Variants in ADGRB3 observed in about 807,000 individuals in gnomAD.
ADGRB3 encodes the protein brain-specific angiogenesis inhibitor 3.
ADGRB3 carries 37 observed loss-of-function variants against 193.4 expected under a neutral mutation model. That is an observed-to-expected ratio of 0.19 (90% CI 0.15 to 0.25). The LOEUF (loss-of-function observed/expected upper bound fraction) is 0.25. Ranked by LOEUF, ADGRB3 falls within the 10% of genes least tolerant of loss-of-function variation. The pLI is 1.00. For synonymous variants in ADGRB3, 690 were observed against 644.2 expected, an observed-to-expected ratio of 1.07 and a Z score of -1.08; for missense variants, 1,637 against 1,852.9, an observed-to-expected ratio of 0.88 and a Z score of 2.14.
intron 3 of ADGRB3, among the ~76,000 whole-genome samples, chr6:68,659,556 A>C (rs187640486): frequency 7.3e-5 from 11 of 151,060 alleles, no homozygotes; most frequent in Admixed American, 7.3e-4. Flanking sequence ...TTTTTAATGT[A>C]ATTTGTAACT....
chr6:69,197,899 A>G (rs1044737319), intron 17 of ADGRB3, among the ~76,000 whole-genome samples: 7 of 152,022 alleles, frequency 4.6e-5, no homozygotes, highest in African/African-American at 1.4e-4. Flanking sequence ...ACTTAGTTCT[A>G]TTCTTTAATT....
intron 20 of ADGRB3, among the ~76,000 whole-genome samples, chr6:69,265,363 C>T (rs1294233235): frequency 1.3e-5 from 2 of 151,858 alleles, no homozygotes; most frequent in African/African-American, 2.4e-5. Flanking sequence ...ATAGCACCAT[C>T]CCACCCCTAG....
At chr6:69,132,443 A>G (rs1379941407) in intron 17 of ADGRB3, among the ~76,000 whole-genome samples, 1 of 152,136 alleles carries the variant, frequency 6.6e-6, no homozygotes, top group Non-Finnish European at 1.5e-5. Context: ...GTATCTGTTC[A>G]TATTTTTCAT....
chr6:68,842,614 C>G (rs2127387892), intron 3 of ADGRB3, among the ~76,000 whole-genome samples: 1 of 152,040 alleles, frequency 6.6e-6, no homozygotes, highest in East Asian at 1.9e-4. Context: ...ATTGATCCTA[C>G]TCAAACTAGT....
chr6:68,890,774 A>G (rs1162092847), intron 3 of ADGRB3, among the ~76,000 whole-genome samples: 3 of 152,188 alleles, frequency 2.0e-5, no homozygotes, highest in Non-Finnish European at 4.4e-5. Context: ...CTAGTATTGA[A>G]TCTCAAAGAT....
rs1166274920 is a variant in ADGRB3, at chr6:69,389,266, TTAC to T, written c.*379_*381del. On this transcript the variant is annotated 3_prime_UTR_variant, in exon 32 of 32. Coordinates refer to ENST00000370598, the MANE Select transcript of ADGRB3 (RefSeq NM_001704.3). ...AAGTTTATAACAGTCTGTTTGGCCA[TTAC>T]TACACTTTTTACTTTATAATATAAA... 2.6e-5 allele frequency: 4 copies of T among 156,246 alleles called. No homozygotes were observed. Among genetic ancestry groups the T allele is most frequent in the Non-Finnish European group, 1.4e-5 (1 of 70,412 alleles). 9.7% of individuals were successfully genotyped at this position (156,246 alleles called of 1,614,324 possible).
At chr6:68,887,070 T>TAC (rs72010174) in intron 3 of ADGRB3, among the ~76,000 whole-genome samples, 76 of 151,002 alleles carry the variant, frequency 5.0e-4, no homozygotes, top group Admixed American at 3.5e-3. Context: ...TATATATATA[T>TAC]ACACACACAC....
rs529982209 is a variant in ADGRB3 at position 68,769,777 on chromosome 6, A to T, written c.757+130345A>T. Among the ~76,000 whole-genome samples, 5 of 152,270 alleles carry T rather than the reference A, an allele frequency of 3.3e-5. No homozygotes were observed. The East Asian group carries it at 9.6e-4, about 29-fold the overall frequency. On this transcript the variant is annotated intron_variant, in intron 3 of 31. Coordinates refer to ENST00000370598, the MANE Select transcript of ADGRB3 (RefSeq NM_001704.3). The stretch of plus-strand genomic sequence containing the variant: ...ATCTTTTTTATTTCTTCCTAAACGA[A>T]GTTCTGAGAGAAAAATTGAAATTAT...
At chr6:68,805,169 TA>T (rs772710785) in intron 3 of ADGRB3, among the ~76,000 whole-genome samples, 6 of 152,114 alleles carry the variant, frequency 3.9e-5, no homozygotes, top group African/African-American at 7.2e-5. Flanking sequence ...ATTCCCGGCC[TA>T]AAGTGATCCG....
At chr6:68,684,628 A>T (rs565224302) in intron 3 of ADGRB3, among the ~76,000 whole-genome samples, 132 of 152,234 alleles carry the variant, frequency 8.7e-4, no homozygotes, top group African/African-American at 3.1e-3. Flanking sequence ...TGGGAGAAAA[A>T]TGAGTGCAAT....
intron 17 of ADGRB3, among the ~76,000 whole-genome samples, chr6:69,102,289 A>G (rs1241602434): frequency 3.3e-5 from 5 of 152,118 alleles, no homozygotes; most frequent in Non-Finnish European, 5.9e-5. Flanking sequence ...TAGTGAACCT[A>G]GAAAAGTGAG....
intron 20 of ADGRB3, among the ~76,000 whole-genome samples, chr6:69,254,556 A>G (rs558637480): frequency 2.6e-5 from 4 of 151,982 alleles, no homozygotes; most frequent in Non-Finnish European, 5.9e-5. Flanking sequence ...TTTATTTTTT[A>G]TACTGTCAAG....
intron 3 of ADGRB3, among the ~76,000 whole-genome samples, chr6:68,707,062 G>T (rs1765336986): frequency 7.3e-6 from 1 of 136,232 alleles, no homozygotes; most frequent in Admixed American, 8.3e-5. Flanking sequence ...AGTGAGCCAA[G>T]ATTGCACCAC....
At chr6:68,868,945 G>A (rs955127905) in intron 3 of ADGRB3, among the ~76,000 whole-genome samples, 1 of 151,212 alleles carries the variant, frequency 6.6e-6, no homozygotes, top group Non-Finnish European at 1.5e-5. Context: ...GTGTGTGAGT[G>A]TGTGTGTTTA....
At chr6:68,891,213 C>T (rs561097684) in intron 3 of ADGRB3, among the ~76,000 whole-genome samples, 1 of 152,030 alleles carries the variant, frequency 6.6e-6, no homozygotes, top group Non-Finnish European at 1.5e-5. Context: ...ACGGGAAAGC[C>T]CAGTCTCCAT....
In ADGRB3 at chr6:69,382,802, G is replaced by A. The variant is rs1201457006; in HGVS notation, c.4276-29G>A. The A allele has an allele frequency of 4.1e-6, 6 of 1,461,080 alleles. No individual in the cohort carries two copies. The South Asian group carries it at 7.3e-5, about 18-fold the overall frequency. The allele number at this position is 1,461,080 out of a possible 1,614,324, so 90.5% of individuals were successfully genotyped here. A position where few individuals can be genotyped will look rare whatever the true frequency, so the allele number is the denominator to read the frequency against. ...TTTGAAAAACATACATCAAGTTGGG[G>A]ATGAGAGCTATCTTGTTCTTTTTTG... On this transcript the variant is annotated intron_variant, in intron 30 of 31. Transcript: ENST00000370598.
At chr6:68,716,897 G>T (rs1247950869) in intron 3 of ADGRB3, among the ~76,000 whole-genome samples, 1 of 151,620 alleles carries the variant, frequency 6.6e-6, no homozygotes, top group Non-Finnish European at 1.5e-5. Context: ...CTATGAGCCT[G>T]TAAATTTAAG....
chr6:69,180,709 G>A (rs754092300), intron 17 of ADGRB3, among the ~76,000 whole-genome samples: 1 of 152,206 alleles, frequency 6.6e-6, no homozygotes, highest in African/African-American at 2.4e-5. Context: ...CCTCAGGCCT[G>A]CAATGGGGAG....
At chr6:68,732,564 G>T (rs1765793891) in intron 3 of ADGRB3, among the ~76,000 whole-genome samples, 1 of 151,910 alleles carries the variant, frequency 6.6e-6, no homozygotes, top group South Asian at 2.1e-4. Flanking sequence ...GGAAGCCTGA[G>T]AAATGGTATG....
Sources: allele counts gnomAD v4.1 joint callset (sites outside exome capture counted in the v4.1 genomes callset), GRCh38; gene constraint gnomAD v4.1.1; transcripts MANE v1.5; gene names NCBI Gene and HGNC (gene_info 2026-07-23, HGNC 2026-07-21).